The following GPHN variants were observed in gnomAD, a reference collection of about 807,000 sequenced individuals.
GPHN encodes the protein gephyrin.
Under a neutral mutation model 95.5 loss-of-function variants are expected in GPHN, and 17 were observed. That is an observed-to-expected ratio of 0.18 (90% CI 0.12 to 0.27). The LOEUF is 0.27. GPHN is among the 10% of genes least tolerant of loss of function. The pLI, the probability that GPHN is intolerant of heterozygous loss-of-function variation, is 1.00. For synonymous variants in GPHN, 320 were observed against 322.5 expected, an observed-to-expected ratio of 0.99 and a Z score of 0.08; for missense variants, 660 against 978.1, an observed-to-expected ratio of 0.67 and a Z score of 4.34.
intron 8 of GPHN, among the ~76,000 whole-genome samples, chr14:66,959,902 A>G (rs964457592): frequency 2.0e-5 from 3 of 151,842 alleles, no homozygotes; most frequent in Admixed American, 6.6e-5. Context: ...TGCTTAAGCC[A>G]TGTTGTTATT....
At chr14:66,742,931 T>A (rs2153441566) in intron 2 of GPHN, among the ~76,000 whole-genome samples, 1 of 152,184 alleles carries the variant, frequency 6.6e-6, no homozygotes, top group Middle Eastern at 3.4e-3. Flanking sequence ...TTGGCTAATT[T>A]TTTTTTGTAT....
At chr14:66,943,072 T>A (rs1277473934) in intron 8 of GPHN, among the ~76,000 whole-genome samples, 1 of 152,202 alleles carries the variant, frequency 6.6e-6, no homozygotes, top group Non-Finnish European at 1.5e-5. Flanking sequence ...AACCATATAA[T>A]ACCTTTTTGA....
At chr14:67,242,690 A>G in the GPHN span, among the ~76,000 whole-genome samples, 1 of 151,356 alleles carries the variant, frequency 6.6e-6, no homozygotes, top group African/African-American at 2.4e-5. Flanking sequence ...TAGGCTTTCT[A>G]TTTGCGGCAG....
intron 3 of GPHN, among the ~76,000 whole-genome samples, chr14:66,790,070 G>A (rs967505331): frequency 1.3e-5 from 2 of 152,190 alleles, no homozygotes; most frequent in Non-Finnish European, 1.5e-5. Context: ...GGTCTGTGGT[G>A]CCTTCTCTGT....
At chr14:67,166,815 G>C (rs937406580) in intron 20 of GPHN, among the ~76,000 whole-genome samples, 1 of 152,016 alleles carries the variant, frequency 6.6e-6, no homozygotes, top group African/African-American at 2.4e-5. Flanking sequence ...GACTATAGGC[G>C]CTTGCTACCA....
chr14:66,864,315 C>T (rs1270878475), intron 4 of GPHN, among the ~76,000 whole-genome samples: 1 of 152,110 alleles, frequency 6.6e-6, no homozygotes, highest in Non-Finnish European at 1.5e-5. Context: ...CAGGGCATAA[C>T]AAATACTGGT....
chr14:66,657,517 G>A (rs1009096339), intron 1 of GPHN, among the ~76,000 whole-genome samples: 5 of 152,138 alleles, frequency 3.3e-5, no homozygotes, highest in Non-Finnish European at 7.4e-5. Flanking sequence ...AGATATCAAT[G>A]CCTGGCTTCA....
chr14:67,456,089 G>GA, the GPHN span, among the ~76,000 whole-genome samples: 1 of 152,128 alleles, frequency 6.6e-6, no homozygotes, highest in Admixed American at 6.5e-5. Context: ...CTAATATCCA[G>GA]AATCTATAAG....
At chr14:67,153,115 A>T (rs1235283709) in intron 18 of GPHN, among the ~76,000 whole-genome samples, 1 of 152,198 alleles carries the variant, frequency 6.6e-6, no homozygotes, top group East Asian at 1.9e-4. Context: ...CCCAGGCAAC[A>T]TGGCAAAATC....
intron 1 of GPHN, among the ~76,000 whole-genome samples, chr14:66,620,370 G>T (rs553926418): frequency 6.6e-5 from 10 of 152,244 alleles, no homozygotes; most frequent in African/African-American, 2.4e-4. Context: ...AGATTTAATG[G>T]ACTTACAGTT....
intron 1 of GPHN, among the ~76,000 whole-genome samples, chr14:66,549,718 G>GA (rs1221488934): frequency 2.0e-4 from 31 of 151,864 alleles, no homozygotes; most frequent in Admixed American, 6.6e-4. Context: ...AGCTAGACAG[G>GA]AAAAAAAAGC....
chr14:67,176,965 C>A (rs183246215), intron 21 of GPHN, among the ~76,000 whole-genome samples: 157 of 152,306 alleles, frequency 1.0e-3, no homozygotes, highest in South Asian at 3.9e-3. Flanking sequence ...ATTCTTCTCT[C>A]TTTTCTTCTT....
chr14:67,519,014 T>G, the GPHN span, among the ~76,000 whole-genome samples: 12 of 152,276 alleles, frequency 7.9e-5, no homozygotes, highest in African/African-American at 2.9e-4. Context: ...TGGAATTATT[T>G]GGATCAGCTT....
chr14:66,877,681 TG>T (rs1467056735), intron 4 of GPHN, among the ~76,000 whole-genome samples: 6 of 152,116 alleles, frequency 3.9e-5, no homozygotes, highest in African/African-American at 1.4e-4. Flanking sequence ...TAACAAGGGA[TG>T]TGAAGGACCT....
chr14:67,703,339 C>G, the GPHN span, among the ~76,000 whole-genome samples: 1 of 152,080 alleles, frequency 6.6e-6, no homozygotes, highest in African/African-American at 2.4e-5. Context: ...AATCTTTTAT[C>G]CTTTTATTCA....
chr14:66,528,161 A>G (rs1479428005), intron 1 of GPHN, among the ~76,000 whole-genome samples: 1 of 152,200 alleles, frequency 6.6e-6, no homozygotes, highest in Non-Finnish European at 1.5e-5. Flanking sequence ...TATTGGGTGC[A>G]TATATATTTA....
the GPHN span, among the ~76,000 whole-genome samples, chr14:67,507,135 G>A: frequency 7.2e-5 from 11 of 152,140 alleles, no homozygotes; most frequent in Non-Finnish European, 1.0e-4. Context: ...CAGGTAGTTA[G>A]GGCAACAGAG....
chr14:67,585,790 C>G, the GPHN span: 1 of 999,726 alleles, frequency 1.0e-6, no homozygotes, highest in Non-Finnish European at 1.5e-6. Context: ...CACCAGTCCT[C>G]TAGTCTAGAC....
intron 11 of GPHN, among the ~76,000 whole-genome samples, chr14:67,072,960 G>T (rs2076364128): frequency 6.6e-6 from 1 of 152,094 alleles, no homozygotes; most frequent in Non-Finnish European, 1.5e-5. Context: ...CAGTATCATA[G>T]TTGGCATATT....
Sources: gnomAD v4.1 joint callset for allele counts (sites outside exome capture counted in the v4.1 genomes callset) on GRCh38, gnomAD v4.1.1 for gene constraint, MANE v1.5 for transcripts, NCBI Gene and HGNC (gene_info 2026-07-23, HGNC 2026-07-21) for gene names.